Variants in ASTN2 observed in about 807,000 individuals in gnomAD.
ASTN2 encodes astrotactin 2, also known as astrotactin-2.
Under a neutral mutation model 139.8 loss-of-function variants are expected in ASTN2, and 54 were observed. The observed-to-expected ratio is 0.39, with a 90% CI of 0.31 to 0.48. The LOEUF (loss-of-function observed/expected upper bound fraction) is 0.48, where lower values mean the gene tolerates loss of function less well. Ranked by LOEUF, ASTN2 falls within the 20% of genes least tolerant of loss-of-function variation. The probability of loss-of-function intolerance (pLI) is 0.95; values close to 1 mark genes in which losing one functional copy is unlikely to be tolerated. For synonymous variants in ASTN2, 756 were observed against 719.5 expected (o/e 1.05, Z -0.81); for missense variants, 1,565 against 1,725.1 (o/e 0.91, Z 1.64).
intron 22 of ASTN2, among the ~76,000 whole-genome samples, chr9:116,435,075 G>A (rs944809000): frequency 1.3e-5 from 2 of 152,160 alleles, no homozygotes; most frequent in Non-Finnish European, 2.9e-5. Context: ...GAAACAAGAC[G>A]TGCAGGGCTG....
At chr9:117,189,612 C>A (rs1831294929) in intron 3 of ASTN2, among the ~76,000 whole-genome samples, 1 of 152,188 alleles carries the variant, frequency 6.6e-6, no homozygotes, top group South Asian at 2.1e-4. Context: ...TTCCTTAATT[C>A]TTACAAGAAT....
At chr9:116,433,872 T>C (rs1847569053) in intron 22 of ASTN2, among the ~76,000 whole-genome samples, 2 of 152,242 alleles carry the variant, frequency 1.3e-5, no homozygotes, top group African/African-American at 4.8e-5. Flanking sequence ...CTTTCTCTTT[T>C]CATCCACTCA....
rs1830127318 is a variant in ASTN2 at position 117,143,734 on chromosome 9, C to T, written c.1016-2256G>A. ...CCATGGTTTTGGTGAGATTTCTCTT[C>T]CTGGCTTACAGATGGCCACCTTCTC... is the stretch of plus-strand genomic sequence containing the variant. On this transcript the variant is annotated intron_variant, in intron 3 of 22. Transcript: ENST00000313400. Among the ~76,000 whole-genome samples, 6 of 151,936 alleles carry T rather than the reference C, an allele frequency of 3.9e-5. No individual in the cohort carries two copies. The South Asian group carries it at 1.3e-3, about 32-fold the overall frequency.
intron 2 of ASTN2, among the ~76,000 whole-genome samples, chr9:117,245,283 T>C (rs1588128146): frequency 6.6e-6 from 1 of 152,334 alleles, no homozygotes; most frequent in East Asian, 1.9e-4. Context: ...TTAGTCGGAA[T>C]ATTTGGGTGA....
At chr9:116,458,249 G>C (rs1848389695) in intron 20 of ASTN2, among the ~76,000 whole-genome samples, 1 of 151,250 alleles carries the variant, frequency 6.6e-6, no homozygotes. Flanking sequence ...AGAGGGGTTG[G>C]TTAATAGGCA....
chr9:116,625,506 G>T (rs2131843319), intron 17 of ASTN2, among the ~76,000 whole-genome samples: 1 of 152,220 alleles, frequency 6.6e-6, no homozygotes, highest in South Asian at 2.1e-4. Flanking sequence ...ATAGGCACTT[G>T]CCGTGGCCTT....
At chr9:116,933,936 T>C (rs1834983270) in intron 10 of ASTN2, among the ~76,000 whole-genome samples, 1 of 148,258 alleles carries the variant, frequency 6.7e-6, no homozygotes, top group Non-Finnish European at 1.5e-5. Context: ...CCAATCTGAA[T>C]ATGGTGGGGC....
chr9:116,917,131 CT>C (rs1834471328), intron 10 of ASTN2, among the ~76,000 whole-genome samples: 1 of 152,202 alleles, frequency 6.6e-6, no homozygotes, highest in Middle Eastern at 3.4e-3. Flanking sequence ...GCCCCAAGAG[CT>C]TTTTCTCACC....
chr9:116,896,425 G>A (rs761508979), intron 10 of ASTN2, among the ~76,000 whole-genome samples: 8 of 152,090 alleles, frequency 5.3e-5, no homozygotes, highest in Non-Finnish European at 7.4e-5. Context: ...CGCCTCCCAG[G>A]TTCAAGCAAT....
intron 2 of ASTN2, among the ~76,000 whole-genome samples, chr9:117,219,227 A>G (rs998255250): frequency 2.0e-5 from 3 of 152,288 alleles, no homozygotes; most frequent in East Asian, 1.9e-4. Flanking sequence ...GTCCACACCC[A>G]TAGAATTACA....
At chr9:116,683,699 A>G (rs1254148999) in intron 16 of ASTN2, among the ~76,000 whole-genome samples, 1 of 152,214 alleles carries the variant, frequency 6.6e-6, no homozygotes, top group African/African-American at 2.4e-5. Context: ...ACAAATGAGT[A>G]AAAAATACTT....
chr9:116,979,208 G>A (rs529216900), intron 7 of ASTN2, among the ~76,000 whole-genome samples: 68 of 152,318 alleles, frequency 4.5e-4, no homozygotes, highest in Admixed American at 9.8e-4. Context: ...TAGTAAGACA[G>A]AGTATGGAGT....
chr9:117,414,954 G>A lies in ASTN2; in HGVS notation c.-16C>T. The A allele has an allele frequency of 3.8e-6, 1 of 264,808 alleles. No individual in the cohort carries two copies. Among genetic ancestry groups the A allele is most frequent in the Non-Finnish European group, 6.3e-6 (1 of 159,584 alleles). 16.4% of individuals were successfully genotyped at this position (264,808 alleles called of 1,614,324 possible). On this transcript the variant is annotated 5_prime_UTR_variant, in exon 1 of 23. Transcript: ENST00000313400. The surrounding 1 kb of genome is among the most constrained non-coding windows in gnomAD (Gnocchi z 4.2). ...CGGCGGCCATGGCGGGAGGGGCTGCGGTGCTGCGGGCGGCGGCGGCGGTGG... is the reference window on the plus strand; with the variant it reads ...CGGCGGCCATGGCGGGAGGGGCTGCAGTGCTGCGGGCGGCGGCGGCGGTGG...
chr9:116,756,006 C>A (rs1829522211), intron 13 of ASTN2, among the ~76,000 whole-genome samples: 1 of 152,160 alleles, frequency 6.6e-6, no homozygotes, highest in Non-Finnish European at 1.5e-5. Flanking sequence ...GTTGTTGCCT[C>A]CAGAACTGTG....
intron 10 of ASTN2, among the ~76,000 whole-genome samples, chr9:116,953,435 G>A (rs563774416): frequency 6.6e-6 from 1 of 152,266 alleles, no homozygotes; most frequent in African/African-American, 2.4e-5. Context: ...AGGTGTTGCT[G>A]GAGCCCAGCA....
At chr9:116,574,092 A>G (rs1853630030) in intron 19 of ASTN2, among the ~76,000 whole-genome samples, 1 of 152,188 alleles carries the variant, frequency 6.6e-6, no homozygotes, top group African/African-American at 2.4e-5. Context: ...AAGCTTAGTT[A>G]GATCAAAGGT....
chr9:117,340,095 T>C (rs1221041460), intron 1 of ASTN2, among the ~76,000 whole-genome samples: 1 of 151,690 alleles, frequency 6.6e-6, no homozygotes, highest in African/African-American at 2.4e-5. Context: ...CACCTCTTCA[T>C]GTCAACAGAA....
intron 10 of ASTN2, among the ~76,000 whole-genome samples, chr9:116,964,254 T>TGCGCGCGC (rs1418888226): frequency 1.6e-4 from 21 of 128,948 alleles, no homozygotes; most frequent in African/African-American, 4.5e-4. Flanking sequence ...TGTGTGTGTG[T>TGCGCGCGC]GTGCGCGCGC....
intron 1 of ASTN2, among the ~76,000 whole-genome samples, chr9:117,364,383 C>G (rs1006084018): frequency 6.6e-6 from 1 of 152,136 alleles, no homozygotes; most frequent in Non-Finnish European, 1.5e-5. Flanking sequence ...TTTGCCACTG[C>G]AGATGTAAGG....
Sources: gnomAD v4.1 joint callset for allele counts (sites outside exome capture counted in the v4.1 genomes callset) on GRCh38, gnomAD v4.1.1 for gene constraint, Gnocchi (gnomAD v3.1) non-coding constraint, MANE v1.5 for transcripts, NCBI Gene and HGNC (gene_info 2026-07-23, HGNC 2026-07-21) for gene names.